DIP2C: variants seen among roughly 807,000 people sequenced by gnomAD.
DIP2C encodes disco-interacting protein 2 homolog C.
Under a neutral mutation model 192.4 loss-of-function variants are expected in DIP2C, and 33 were observed. The ratio of observed to expected loss-of-function variants is 0.17; its 90% CI spans 0.13 to 0.23. The LOEUF (loss-of-function observed/expected upper bound fraction) is 0.23. DIP2C is among the 10% of genes least tolerant of loss of function. The pLI, the probability that DIP2C is intolerant of heterozygous loss-of-function variation, is 1.00. For missense variants in DIP2C, 1,537 were observed against 2,110.1 expected, an observed-to-expected ratio of 0.73 and a Z score of 5.32; for synonymous variants, 979 against 864.1, an observed-to-expected ratio of 1.13 and a Z score of -2.33.
At chr10:324,173 A>G (rs1462601730) in intron 31 of DIP2C, among the ~76,000 whole-genome samples, 3 of 152,182 alleles carry the variant, frequency 2.0e-5, no homozygotes, top group Admixed American at 2.0e-4. Flanking sequence ...AAAATTATCT[A>G]CATGCCTACC....
chr10:580,273 AGT>A (rs1850533231), intron 1 of DIP2C, among the ~76,000 whole-genome samples: 1 of 152,110 alleles, frequency 6.6e-6, no homozygotes, highest in African/African-American at 2.4e-5. Context: ...TGCAGTACAT[AGT>A]GTATGTACAT....
intron 1 of DIP2C, among the ~76,000 whole-genome samples, chr10:492,288 A>G (rs1428930556): frequency 6.6e-6 from 1 of 152,044 alleles, no homozygotes; most frequent in Admixed American, 6.5e-5. Context: ...TTGGGCTGTG[A>G]CCAAACTCCC....
At position 652,517 on chromosome 10, in the gene DIP2C, G is replaced by C. The variant is rs1856000820; in HGVS notation, c.85+36977C>G. 1 of 154,798 alleles carries C rather than the reference G, an allele frequency of 6.5e-6. No individual in the cohort carries two copies. Among genetic ancestry groups the C allele is most frequent in the African/African-American group, 2.4e-5 (1 of 41,462 alleles). The allele number at this position is 154,798 out of a possible 1,614,324, so 9.6% of individuals were successfully genotyped here. A position where few individuals can be genotyped will look rare whatever the true frequency, so the allele number is the denominator to read the frequency against. On this transcript the variant is annotated intron_variant, in intron 1 of 36. Transcript: ENST00000280886. This position sits in a 1 kb window ranked among gnomAD's most constrained non-coding sequence, Gnocchi z 4.5. ...CTCCGCCCACAGCCTCAGGCCACCTGTCTCATCCGTGACCGAGAAACGGAG... is the reference window on the plus strand; with the variant it reads ...CTCCGCCCACAGCCTCAGGCCACCTCTCTCATCCGTGACCGAGAAACGGAG...
At position 387,904 on chromosome 10, in the gene DIP2C, A is replaced by G. The variant is rs532867281; in HGVS notation, c.1598-95T>C. The G allele has an allele frequency of 2.7e-5, 36 of 1,320,844 alleles. No homozygotes were observed. The East Asian group carries it at 5.5e-4, about 20-fold the overall frequency. 81.8% of individuals were successfully genotyped at this position (1,320,844 alleles called of 1,614,324 possible). Reference sequence around the variant, plus strand: ...ATCCAATATTGCATCAGGGGAAATAACAGATCTTGGGAAAATATCATTTTG... The same window carrying G: ...ATCCAATATTGCATCAGGGGAAATAGCAGATCTTGGGAAAATATCATTTTG... On this transcript the variant is annotated intron_variant, in intron 13 of 36. Coordinates refer to ENST00000280886, the MANE Select transcript of DIP2C (RefSeq NM_014974.3).
rs1351733070 is a variant in DIP2C at position 343,105 on chromosome 10, C to T, written c.3453+1704G>A. Among the ~76,000 whole-genome samples, 6 of 152,064 alleles carry T rather than the reference C, an allele frequency of 3.9e-5. No homozygotes were observed. In the East Asian group the frequency reaches 7.7e-4, roughly 20 times the overall value. On this transcript the variant is annotated intron_variant, in intron 28 of 36. Transcript: ENST00000280886. ...GAGATCGAGAACATCCTGGCTAACA[C>T]AGTGAAACCCCATCTCTACTAAACA...
intron 1 of DIP2C, among the ~76,000 whole-genome samples, chr10:555,970 A>C (rs1413133354): frequency 5.3e-5 from 8 of 151,894 alleles, no homozygotes; most frequent in Admixed American, 2.0e-4. Flanking sequence ...TTTGCTCCTG[A>C]CCCTGCCCCC....
At chr10:569,199 G>A (rs1441461347) in intron 1 of DIP2C, among the ~76,000 whole-genome samples, 3 of 152,176 alleles carry the variant, frequency 2.0e-5, no homozygotes, top group Non-Finnish European at 4.4e-5. Flanking sequence ...TGGCCCACAA[G>A]GCATAACACA....
chr10:610,053 G>A (rs958015376), intron 1 of DIP2C, among the ~76,000 whole-genome samples: 1 of 152,170 alleles, frequency 6.6e-6, no homozygotes, highest in African/African-American at 2.4e-5. Context: ...ACCGTCCACA[G>A]CAGCCAAGAT....
intron 16 of DIP2C, among the ~76,000 whole-genome samples, chr10:383,801 C>T (rs562029094): frequency 6.6e-6 from 1 of 152,074 alleles, no homozygotes; most frequent in Admixed American, 6.6e-5. Context: ...AATGCCTGTC[C>T]TTATTATGCC....
At chr10:529,443 A>C (rs900880145) in intron 1 of DIP2C, among the ~76,000 whole-genome samples, 1 of 151,334 alleles carries the variant, frequency 6.6e-6, no homozygotes, top group African/African-American at 2.4e-5. Flanking sequence ...TGCTCCTGTC[A>C]CCTGCTTCGT....
chr10:470,327 G>A (rs939174120), intron 3 of DIP2C, among the ~76,000 whole-genome samples: 1 of 152,192 alleles, frequency 6.6e-6, no homozygotes, highest in Non-Finnish European at 1.5e-5. Context: ...TGCTTCTCAC[G>A]TTGGGTCTAG....
intron 29 of DIP2C, among the ~76,000 whole-genome samples, chr10:336,411 C>A (rs1957771847): frequency 6.6e-6 from 1 of 152,200 alleles, no homozygotes; most frequent in African/African-American, 2.4e-5. Flanking sequence ...TATAAAAGCA[C>A]AGCACATACA....
Position 369,934 on chromosome 10 carries a change from T to C in DIP2C, c.1992-301A>G, listed in dbSNP as rs887012049. 2.5e-5 allele frequency: 25 copies of C among 984,224 alleles called. No individual in the cohort carries two copies. In the South Asian group the frequency reaches 2.8e-4, roughly 11 times the overall value. 61.0% of individuals were successfully genotyped at this position (984,224 alleles called of 1,614,324 possible). A position where few individuals can be genotyped will look rare whatever the true frequency, so the allele number is the denominator to read the frequency against. Reference sequence around the variant, plus strand: ...AGGCCCTGCACAGACCAGCTCTCTCTCCCCTCCCTCCAGGCCCTGCACAGA... The same window carrying C: ...AGGCCCTGCACAGACCAGCTCTCTCCCCCCTCCCTCCAGGCCCTGCACAGA... On this transcript the variant is annotated intron_variant, in intron 17 of 36. Transcript: ENST00000280886.
At chr10:560,505 G>A (rs923391576) in intron 1 of DIP2C, among the ~76,000 whole-genome samples, 18 of 152,206 alleles carry the variant, frequency 1.2e-4, no homozygotes, top group South Asian at 2.1e-4. Context: ...CAGTGAACAC[G>A]TGAATCAGTT....
At chr10:430,598 T>C (rs1003819738) in intron 4 of DIP2C, 4 of 152,384 alleles carry the variant, frequency 2.6e-5, no homozygotes. Flanking sequence ...TTATGTCTTT[T>C]GCAAACATCC....
intron 1 of DIP2C, among the ~76,000 whole-genome samples, chr10:620,160 C>T (rs556682927): frequency 1.3e-5 from 2 of 152,322 alleles, no homozygotes; most frequent in Admixed American, 6.5e-5. Flanking sequence ...AGCATTTCCC[C>T]TTGTATAGTC....
intron 3 of DIP2C, among the ~76,000 whole-genome samples, chr10:459,896 A>C (rs894802658): frequency 1.6e-5 from 2 of 128,138 alleles, no homozygotes; most frequent in Non-Finnish European, 1.6e-5. Context: ...GCTGCACGTG[A>C]GCTCTAGGAC....
At chr10:687,995 C>T (rs994344191) in intron 1 of DIP2C, among the ~76,000 whole-genome samples, 7 of 152,206 alleles carry the variant, frequency 4.6e-5, no homozygotes, top group Non-Finnish European at 1.0e-4. Flanking sequence ...GTGCTGCAGG[C>T]AGGGGTGCAC....
At position 548,442 on chromosome 10, in the gene DIP2C, TGGAG is replaced by T. The variant is rs59188084; in HGVS notation, c.86-61916_86-61913del. Among the ~76,000 whole-genome samples the T allele has an allele frequency of 6.8e-3, 394 of 58,068 alleles. 7 individuals carry two copies. Among genetic ancestry groups the T allele is most frequent in the African/African-American group, 0.022 (363 of 16,254 alleles). The allele number at this position is 58,068 out of a possible 152,430, so 38.1% of individuals were successfully genotyped here. On this transcript the variant is annotated intron_variant, in intron 1 of 36. Transcript: ENST00000280886. ...GCAGGAGCCGCGGAGGCCACCGGGA[TGGAG>T]GGAGGGAGGGAGGGAGGGAGGCAGG...
Sources: allele counts gnomAD v4.1 joint callset (sites outside exome capture counted in the v4.1 genomes callset), GRCh38; gene constraint gnomAD v4.1.1; non-coding constraint Gnocchi (gnomAD v3.1); transcripts MANE v1.5; gene names NCBI Gene and HGNC (gene_info 2026-07-23, HGNC 2026-07-21).